SCHIP1: variants seen among roughly 807,000 people sequenced by gnomAD.
The protein encoded by SCHIP1 is schwannomin-interacting protein 1.
A neutral mutation model predicts 29.7 loss-of-function variants in SCHIP1; 8 were observed. The ratio of observed to expected loss-of-function variants is 0.27; its 90% CI spans 0.16 to 0.49. The LOEUF (loss-of-function observed/expected upper bound fraction) is 0.49, where lower values mean the gene tolerates loss of function less well. Ranked by LOEUF, SCHIP1 falls within the 20% of genes least tolerant of loss-of-function variation. The pLI is 0.99. For synonymous variants in SCHIP1, 76 were observed against 94.9 expected, an observed-to-expected ratio of 0.80 and a Z score of 1.16; for missense variants, 193 against 294.6, an observed-to-expected ratio of 0.66 and a Z score of 2.52.
chr3:159,848,044 T>C (rs1013270159), intron 1 of SCHIP1, among the ~76,000 whole-genome samples: 1 of 152,222 alleles, frequency 6.6e-6, no homozygotes, highest in Admixed American at 6.5e-5. Context: ...AGTGCATAAG[T>C]GATCTCCCAG....
the SCHIP1 span, among the ~76,000 whole-genome samples, chr3:159,526,886 TG>T: frequency 6.6e-6 from 1 of 150,450 alleles, no homozygotes; most frequent in African/African-American, 2.4e-5. Flanking sequence ...TGTAGACTGG[TG>T]GTCCAGGACC....
At chr3:159,780,948 C>T in the SCHIP1 span, among the ~76,000 whole-genome samples, 7 of 152,164 alleles carry the variant, frequency 4.6e-5, no homozygotes, top group African/African-American at 1.7e-4. Context: ...TGAGACTGTG[C>T]ATGAGGAGGT....
chr3:159,877,402 T>C (rs1417445036), intron 2 of SCHIP1, among the ~76,000 whole-genome samples: 1 of 152,152 alleles, frequency 6.6e-6, no homozygotes, highest in African/African-American at 2.4e-5. Context: ...CTTCATAGAA[T>C]CAATGCAATC....
chr3:159,871,377 G>A (rs1212258491), intron 2 of SCHIP1, among the ~76,000 whole-genome samples: 1 of 134,266 alleles, frequency 7.4e-6, no homozygotes, highest in African/African-American at 2.7e-5. Flanking sequence ...GTGGGGGGGG[G>A]CTTATTATAA....
At chr3:159,883,619 C>T (rs144405636) in intron 2 of SCHIP1, among the ~76,000 whole-genome samples, 2 of 152,032 alleles carry the variant, frequency 1.3e-5, no homozygotes, top group African/African-American at 4.8e-5. Flanking sequence ...AACCTGAGCT[C>T]GTTTTAAGAT....
the SCHIP1 span, among the ~76,000 whole-genome samples, chr3:159,694,346 C>T: frequency 6.6e-6 from 1 of 151,844 alleles, no homozygotes; most frequent in African/African-American, 2.4e-5. Context: ...ATGGTGAAAC[C>T]CCGTCTCTAC....
the SCHIP1 span, among the ~76,000 whole-genome samples, chr3:159,653,877 G>A: frequency 2.0e-5 from 3 of 151,890 alleles, no homozygotes; most frequent in East Asian, 1.9e-4. Flanking sequence ...AATATTTAAG[G>A]TGATGGATAT....
At chr3:159,731,479 C>A in the SCHIP1 span, among the ~76,000 whole-genome samples, 1 of 152,194 alleles carries the variant, frequency 6.6e-6, no homozygotes, top group African/African-American at 2.4e-5. Flanking sequence ...AGAGGGCCTC[C>A]ACTGAGGACT....
chr3:159,466,712 T>A, the SCHIP1 span, among the ~76,000 whole-genome samples: 1 of 152,164 alleles, frequency 6.6e-6, no homozygotes, highest in East Asian at 1.9e-4. Flanking sequence ...GGTGTGGGAT[T>A]TGAACTAGAG....
chr3:159,289,269 G>A, the SCHIP1 span, among the ~76,000 whole-genome samples: 1 of 152,114 alleles, frequency 6.6e-6, no homozygotes, highest in Non-Finnish European at 1.5e-5. Flanking sequence ...ACTTATTTCA[G>A]TAGCATCAAA....
At chr3:159,421,937 G>C in the SCHIP1 span, among the ~76,000 whole-genome samples, 2 of 152,170 alleles carry the variant, frequency 1.3e-5, no homozygotes, top group African/African-American at 2.4e-5. Context: ...ACTTCAAAGA[G>C]AGGTCGGGGA....
the SCHIP1 span, among the ~76,000 whole-genome samples, chr3:159,484,569 G>A: frequency 6.6e-6 from 1 of 152,040 alleles, no homozygotes; most frequent in African/African-American, 2.4e-5. Flanking sequence ...TCTATATTTT[G>A]TCATAACCCA....
chr3:159,711,632 G>C, the SCHIP1 span, among the ~76,000 whole-genome samples: 1 of 152,166 alleles, frequency 6.6e-6, no homozygotes, highest in Non-Finnish European at 1.5e-5. Flanking sequence ...CTCATAACCA[G>C]CCTATTGTTA....
At chr3:159,464,429 T>G in the SCHIP1 span, among the ~76,000 whole-genome samples, 1 of 152,196 alleles carries the variant, frequency 6.6e-6, no homozygotes, top group Non-Finnish European at 1.5e-5. Context: ...ACTAAATGTT[T>G]CTTAACTCTA....
At chr3:159,738,290 T>C in the SCHIP1 span, among the ~76,000 whole-genome samples, 1 of 151,924 alleles carries the variant, frequency 6.6e-6, no homozygotes. Context: ...GGTATATAGA[T>C]AGTAGTAACC....
chr3:159,717,576 C>A, the SCHIP1 span, among the ~76,000 whole-genome samples: 3 of 152,166 alleles, frequency 2.0e-5, no homozygotes, highest in East Asian at 3.8e-4. Flanking sequence ...GAAATACAAA[C>A]TACCATCAGA....
At chr3:159,665,014 T>C in the SCHIP1 span, among the ~76,000 whole-genome samples, 1 of 152,222 alleles carries the variant, frequency 6.6e-6, no homozygotes, top group Admixed American at 6.5e-5. Flanking sequence ...ACCAGGAGTG[T>C]AGACCGAGCT....
the SCHIP1 span, among the ~76,000 whole-genome samples, chr3:159,414,752 A>T: frequency 6.6e-6 from 1 of 152,166 alleles, no homozygotes; most frequent in African/African-American, 2.4e-5. Flanking sequence ...GTTGGAGGGC[A>T]GGGATGGTTT....
chr3:159,307,828 G>T, the SCHIP1 span, among the ~76,000 whole-genome samples: 4 of 152,068 alleles, frequency 2.6e-5, no homozygotes, highest in East Asian at 3.9e-4. Context: ...ATTGATTAGC[G>T]ATTCCTTTCC....
Sources: allele counts gnomAD v4.1 joint callset (sites outside exome capture counted in the v4.1 genomes callset), GRCh38; gene constraint gnomAD v4.1.1; transcripts MANE v1.5; gene names NCBI Gene and HGNC (gene_info 2026-07-23, HGNC 2026-07-21).